Variants in NTM observed in about 807,000 individuals in gnomAD.
NTM encodes the protein neurotrimin.
In NTM, 13 loss-of-function variants were observed where a neutral mutation model predicts 42.1. The ratio of observed to expected loss-of-function variants is 0.31; its 90% CI spans 0.20 to 0.49. NTM has a LOEUF of 0.49. Ranked by LOEUF, NTM falls within the 20% of genes least tolerant of loss-of-function variation. NTM has a pLI of 0.99. For missense variants in NTM, 373 were observed against 452.8 expected, an observed-to-expected ratio of 0.82 and a Z score of 1.60; for synonymous variants, 187 against 179.2, an observed-to-expected ratio of 1.04 and a Z score of -0.35.
chr11:131,942,158 C>T (rs2059863002), intron 2 of NTM, among the ~76,000 whole-genome samples: 1 of 152,160 alleles, frequency 6.6e-6, no homozygotes, highest in East Asian at 1.9e-4. Flanking sequence ...CATGATGTGG[C>T]AGAAGCAGGT....
intron 4 of NTM, among the ~76,000 whole-genome samples, chr11:132,265,089 G>A (rs61906033): frequency 0.13 from 19,906 of 152,252 alleles, 1,632 homozygotes; most frequent in Admixed American, 0.19. Context: ...TTAGCTGCAT[G>A]TGTACCAGCT....
chr11:132,300,130 T>C (rs2094789582), intron 4 of NTM, among the ~76,000 whole-genome samples: 1 of 152,100 alleles, frequency 6.6e-6, no homozygotes, highest in Admixed American at 6.5e-5. Context: ...GGTGAATCCT[T>C]TGTAAGATTT....
chr11:132,080,051 G>A (rs1342529885), intron 2 of NTM, among the ~76,000 whole-genome samples: 2 of 152,188 alleles, frequency 1.3e-5, no homozygotes, highest in Non-Finnish European at 2.9e-5. Context: ...TTGATGTTAA[G>A]TGTGGGTATG....
At chr11:131,884,929 CA>C (rs1178288029) in intron 1 of NTM, among the ~76,000 whole-genome samples, 3 of 152,164 alleles carry the variant, frequency 2.0e-5, no homozygotes, top group Admixed American at 2.0e-4. Context: ...TACCATGAGG[CA>C]GGGGCAGTTA....
At chr11:131,880,945 A>G (rs1038939486) in intron 1 of NTM, among the ~76,000 whole-genome samples, 2 of 152,196 alleles carry the variant, frequency 1.3e-5, no homozygotes, top group Non-Finnish European at 2.9e-5. Context: ...CAGATGCTTA[A>G]AAGATATTAG....
intron 1 of NTM, among the ~76,000 whole-genome samples, chr11:131,429,235 A>T (rs1028921904): frequency 6.6e-6 from 1 of 152,160 alleles, no homozygotes; most frequent in Non-Finnish European, 1.5e-5. Context: ...GCCTCTCAGG[A>T]GAGAGATGCC....
At chr11:131,627,478 C>T (rs2063234205) in intron 1 of NTM, among the ~76,000 whole-genome samples, 1 of 152,022 alleles carries the variant, frequency 6.6e-6, no homozygotes, top group Admixed American at 6.6e-5. Flanking sequence ...AGGCAAGGAC[C>T]TCCATGACTA....
At chr11:131,622,892 T>A (rs1325575509) in intron 1 of NTM, among the ~76,000 whole-genome samples, 1 of 152,194 alleles carries the variant, frequency 6.6e-6, no homozygotes, top group African/African-American at 2.4e-5. Context: ...CATTTGTCAC[T>A]AACACACTGG....
intron 4 of NTM, among the ~76,000 whole-genome samples, chr11:132,279,771 C>T (rs564027634): frequency 1.3e-5 from 2 of 152,268 alleles, no homozygotes; most frequent in South Asian, 4.2e-4. Context: ...AAAATTAACA[C>T]ACACAAGATC....
At chr11:132,068,279 A>G (rs1323668901) in intron 2 of NTM, among the ~76,000 whole-genome samples, 1 of 152,188 alleles carries the variant, frequency 6.6e-6, no homozygotes, top group Non-Finnish European at 1.5e-5. Context: ...ATTTTTGCTC[A>G]CATTTTACTA....
chr11:132,173,558 G>C (rs1260136128), intron 3 of NTM, among the ~76,000 whole-genome samples: 1 of 152,160 alleles, frequency 6.6e-6, no homozygotes, highest in African/African-American at 2.4e-5. Context: ...CTCCACAAAG[G>C]GATGCTAGGG....
Position 132,335,217 on chromosome 11 carries a change from A to C in NTM, c.*71A>C. 1 of 1,508,710 alleles carries C rather than the reference A, an allele frequency of 6.6e-7. No homozygotes were observed. The highest frequency in any genetic ancestry group is 9.1e-7 in the Non-Finnish European group (1 of 1,096,416). 93.5% of individuals were successfully genotyped at this position (1,508,710 alleles called of 1,614,324 possible). A position where few individuals can be genotyped will look rare whatever the true frequency, so the allele number is the denominator to read the frequency against. On this transcript the variant is annotated 3_prime_UTR_variant, in exon 9 of 9. Coordinates refer to ENST00000683400, the MANE Select transcript of NTM (RefSeq NM_001352005.2). ...CCACCAACACAACAGCAATGGCAAC[A>C]CCGACAGCAACCAATCAGATATATA...
rs1555127950 is a variant in NTM at position 131,789,636 on chromosome 11, A to AAGAAGAAGAAGAAGAAGAAGAAGAAG, written c.83-121927_83-121926insGAAGAAGAAGAAGAAGAAGAAGAAGA. The stretch of plus-strand genomic sequence containing the variant: ...AAGAAGAAGAAGAAGAAGAAGAAGA[A>AAGAAGAAGAAGAAGAAGAAGAAGAAG]AAGAAGAAGAAGAAGAAGAAGAAGA... On this transcript the variant is annotated intron_variant, in intron 1 of 8. Coordinates refer to ENST00000683400, the MANE Select transcript of NTM (RefSeq NM_001352005.2). 9.7e-5 allele frequency among the ~76,000 whole-genome samples: 3 copies of AAGAAGAAGAAGAAGAAGAAGAAGAAG among 30,900 alleles called. 1 individual carries two copies. The highest frequency in any genetic ancestry group is 3.6e-4 in the African/African-American group (3 of 8,276). 20.3% of individuals were successfully genotyped at this position (30,900 alleles called of 152,430 possible).
intron 3 of NTM, among the ~76,000 whole-genome samples, chr11:132,187,198 G>A (rs953881204): frequency 2.0e-5 from 3 of 147,714 alleles, no homozygotes; most frequent in Non-Finnish European, 3.0e-5. Context: ...CACTGGAAAG[G>A]AGGTTGCTCA....
chr11:131,512,938 C>T (rs976223250), intron 1 of NTM, among the ~76,000 whole-genome samples: 6 of 152,070 alleles, frequency 3.9e-5, no homozygotes, highest in African/African-American at 7.2e-5. Context: ...ATTTAGCACC[C>T]GATTATTCAG....
chr11:132,084,964 T>C lies in NTM; in HGVS notation c.168-61318T>C, dbSNP rs528365525. ...GATTCTTGTAAATCTTTTATAACCC[T>C]TTACAAATTTTGCTAATGAGTGGAT... On this transcript the variant is annotated intron_variant, in intron 2 of 8. Coordinates refer to ENST00000683400, the MANE Select transcript of NTM (RefSeq NM_001352005.2). Among the ~76,000 whole-genome samples the C allele has an allele frequency of 5.3e-5, 8 of 152,344 alleles. No homozygotes were observed. In the East Asian group the frequency reaches 1.5e-3, roughly 29 times the overall value.
intron 3 of NTM, among the ~76,000 whole-genome samples, chr11:132,165,500 G>C (rs1426804831): frequency 1.3e-5 from 2 of 152,150 alleles, no homozygotes; most frequent in Non-Finnish European, 2.9e-5. Flanking sequence ...AGTAAAATAA[G>C]AGCAAACATT....
chr11:131,873,370 G>A (rs1262927807), intron 1 of NTM, among the ~76,000 whole-genome samples: 1 of 151,224 alleles, frequency 6.6e-6, no homozygotes. Context: ...GGGGGATGGG[G>A]GGCAAGGGGA....
chr11:131,375,034 G>C (rs1452489175), intron 1 of NTM, among the ~76,000 whole-genome samples: 7 of 152,130 alleles, frequency 4.6e-5, no homozygotes, highest in Non-Finnish European at 2.9e-5. Context: ...TCTCTCTCTT[G>C]CTGCAGCAGA....
Sources: allele counts gnomAD v4.1 joint callset (sites outside exome capture counted in the v4.1 genomes callset), GRCh38; gene constraint gnomAD v4.1.1; transcripts MANE v1.5; gene names NCBI Gene and HGNC (gene_info 2026-07-23, HGNC 2026-07-21).